The following CDK6 variants were observed in gnomAD, a reference collection of about 807,000 sequenced individuals.
CDK6 encodes the protein cyclin-dependent kinase 6.
CDK6 carries 6 observed loss-of-function variants against 37.1 expected under a neutral mutation model. That is an observed-to-expected ratio of 0.16 (90% CI 0.09 to 0.32). CDK6 has a LOEUF of 0.32. CDK6 is among the 10% of genes least tolerant of loss of function. CDK6 has a pLI of 1.00. For missense variants in CDK6, 224 were observed against 418.9 expected (o/e 0.53, Z 4.06); for synonymous variants, 160 against 161.3 (o/e 0.99, Z 0.06).
intron 5 of CDK6, among the ~76,000 whole-genome samples, chr7:92,658,754 G>A (rs896883750): frequency 5.3e-5 from 8 of 152,082 alleles, no homozygotes; most frequent in Admixed American, 2.6e-4. Context: ...TTACTTTTTC[G>A]TTTAAATTTT....
intron 6 of CDK6, among the ~76,000 whole-genome samples, chr7:92,622,448 T>C (rs1430026340): frequency 6.6e-6 from 1 of 152,196 alleles, no homozygotes; most frequent in Non-Finnish European, 1.5e-5. Context: ...TTAAAGTGCT[T>C]ACTATGTGCC....
intron 4 of CDK6, among the ~76,000 whole-genome samples, chr7:92,712,606 T>G (rs562540886): frequency 6.6e-6 from 1 of 152,180 alleles, no homozygotes; most frequent in African/African-American, 2.4e-5. Context: ...GAAATAAAGA[T>G]AGAACAATAA....
At chr7:92,797,801 T>G (rs924013042) in intron 2 of CDK6, among the ~76,000 whole-genome samples, 1 of 152,206 alleles carries the variant, frequency 6.6e-6, no homozygotes, top group African/African-American at 2.4e-5. Flanking sequence ...CTGAATTGTT[T>G]TGGTTATGAA....
chr7:92,833,483 G>A lies in CDK6; in HGVS notation c.-160C>T. 2 of 578,108 alleles carry A rather than the reference G, an allele frequency of 3.5e-6. No homozygotes were observed. The highest frequency in any genetic ancestry group is 3.1e-5 in the East Asian group (1 of 32,156). 35.8% of individuals were successfully genotyped at this position (578,108 alleles called of 1,614,324 possible). A position where few individuals can be genotyped will look rare whatever the true frequency, so the allele number is the denominator to read the frequency against. ...GCGCTCGGGCGCTGGGGCTTTCGCC[G>A]CTGCAGAAGCTGGATGGAGAGACCT... On this transcript the variant is annotated 5_prime_UTR_variant, in exon 2 of 8. Coordinates refer to ENST00000424848, the MANE Select transcript of CDK6 (RefSeq NM_001145306.2). This position sits in a 1 kb window ranked among gnomAD's most constrained non-coding sequence, Gnocchi z 6.1.
rs918941788 is a variant in CDK6 at position 92,728,599 on chromosome 7, G to T, written c.370-2806C>A. ...AGGTCTAGTTCTTGTTTGTTTAAAG[G>T]TAGAGTAGATTAAAAGGGCTTGTTA... On this transcript the variant is annotated intron_variant, in intron 3 of 7. Coordinates refer to ENST00000424848, the MANE Select transcript of CDK6 (RefSeq NM_001145306.2). Among the ~76,000 whole-genome samples the T allele has an allele frequency of 3.6e-4, 55 of 152,100 alleles. 1 individual carries two copies. Among genetic ancestry groups the T allele is most frequent in the African/African-American group, 1.3e-3 (55 of 41,420 alleles).
chr7:92,767,923 A>G (rs929125883), intron 3 of CDK6, among the ~76,000 whole-genome samples: 1 of 152,192 alleles, frequency 6.6e-6, no homozygotes, highest in Non-Finnish European at 1.5e-5. Flanking sequence ...GAATGTCTCT[A>G]AACACCATAG....
chr7:92,820,154 C>T (rs1801136928), intron 2 of CDK6, among the ~76,000 whole-genome samples: 2 of 151,986 alleles, frequency 1.3e-5, no homozygotes, highest in Non-Finnish European at 2.9e-5. Flanking sequence ...CAATTAGAAA[C>T]TCCAGGAAAA....
chr7:92,672,074 A>G lies in CDK6; in HGVS notation c.538-539T>C, dbSNP rs547799837. Among the ~76,000 whole-genome samples the G allele has an allele frequency of 1.1e-4, 16 of 147,852 alleles. No homozygotes were observed. In the East Asian group the frequency reaches 3.2e-3, roughly 30 times the overall value. On this transcript the variant is annotated intron_variant, in intron 4 of 7. Transcript: ENST00000424848. Reference sequence around the variant, plus strand: ...GGTGATGGGGGCACTAAAATCTCAGACTTCATCACTATACAATTCATCCAT... The same window carrying G: ...GGTGATGGGGGCACTAAAATCTCAGGCTTCATCACTATACAATTCATCCAT...
chr7:92,705,057 T>C (rs942292893), intron 4 of CDK6, among the ~76,000 whole-genome samples: 1 of 152,244 alleles, frequency 6.6e-6, no homozygotes, highest in East Asian at 1.9e-4. Flanking sequence ...TGGTGAGTTT[T>C]GTCCATTTAC....
At chr7:92,796,607 G>T (rs1391041737) in intron 2 of CDK6, among the ~76,000 whole-genome samples, 1 of 151,886 alleles carries the variant, frequency 6.6e-6, no homozygotes, top group African/African-American at 2.4e-5. Context: ...GTAAGAGTAG[G>T]ATATTTTCCC....
chr7:92,795,529 C>T (rs1800387446), intron 2 of CDK6, among the ~76,000 whole-genome samples: 1 of 151,994 alleles, frequency 6.6e-6, no homozygotes, highest in Non-Finnish European at 1.5e-5. Flanking sequence ...TGAGAAATTT[C>T]CAAGGAATCA....
chr7:92,816,320 C>T (rs780885256), intron 2 of CDK6, among the ~76,000 whole-genome samples: 4 of 151,850 alleles, frequency 2.6e-5, no homozygotes, highest in Non-Finnish European at 2.9e-5. Flanking sequence ...ATGCCCAAGG[C>T]CTTAAAGGAA....
intron 3 of CDK6, among the ~76,000 whole-genome samples, chr7:92,730,208 A>G (rs1798611386): frequency 6.6e-6 from 1 of 152,262 alleles, no homozygotes; most frequent in Non-Finnish European, 1.5e-5. Context: ...AGCACCAAAA[A>G]TGTATAATCC....
Position 92,833,552 on chromosome 7 carries a change from C to T in CDK6, c.-229G>A, listed in dbSNP as rs1801555004. The T allele has an allele frequency of 1.8e-6, 1 of 545,038 alleles. No homozygotes were observed. Among genetic ancestry groups the T allele is most frequent in the Non-Finnish European group, 3.2e-6 (1 of 315,088 alleles). 33.8% of individuals were successfully genotyped at this position (545,038 alleles called of 1,614,324 possible). On this transcript the variant is annotated 5_prime_UTR_variant, in exon 2 of 8. Transcript: ENST00000424848. The surrounding 1 kb of genome is among the most constrained non-coding windows in gnomAD (Gnocchi z 6.1). ...ACCCTGGTGCCGCCGCCGCGAAACT[C>T]CGCCTGCAGAGTCGCCGCCGCCGCC...
chr7:92,614,903 C>A lies in CDK6; in HGVS notation c.*237G>T, dbSNP rs1313220918. On this transcript the variant is annotated 3_prime_UTR_variant, in exon 8 of 8. Transcript: ENST00000424848. ...TCTTCTTCTGGAATTTTTCCAGGTT[C>A]TTGAAACAAACAGACAAACAAACAA... 2.3e-6 allele frequency: 1 copy of A among 435,182 alleles called. No homozygotes were observed. Among genetic ancestry groups the A allele is most frequent in the Non-Finnish European group, 4.1e-6 (1 of 244,452 alleles). 27.0% of individuals were successfully genotyped at this position (435,182 alleles called of 1,614,324 possible).
At chr7:92,700,457 GAGAA>G (rs1347126916) in intron 4 of CDK6, among the ~76,000 whole-genome samples, 1 of 152,204 alleles carries the variant, frequency 6.6e-6, no homozygotes, top group Admixed American at 6.5e-5. Context: ...TCAAATGAAG[GAGAA>G]AGAAAGATTA....
At chr7:92,664,703 G>A (rs1454550372) in intron 5 of CDK6, among the ~76,000 whole-genome samples, 1 of 152,106 alleles carries the variant, frequency 6.6e-6, no homozygotes, top group Non-Finnish European at 1.5e-5. Flanking sequence ...GATTGGCAGA[G>A]CTGGCAACTC....
intron 3 of CDK6, among the ~76,000 whole-genome samples, chr7:92,746,708 G>A (rs1306816927): frequency 6.6e-6 from 1 of 152,028 alleles, no homozygotes; most frequent in African/African-American, 2.4e-5. Flanking sequence ...GTTGGTGTAC[G>A]AGACTATCCA....
At chr7:92,770,377 C>G (rs935884313) in intron 3 of CDK6, among the ~76,000 whole-genome samples, 1 of 130,264 alleles carries the variant, frequency 7.7e-6, no homozygotes, top group Non-Finnish European at 1.6e-5. Context: ...TGGAAAGAAT[C>G]ACCTATGATT....
Sources: allele counts gnomAD v4.1 joint callset (sites outside exome capture counted in the v4.1 genomes callset), GRCh38; gene constraint gnomAD v4.1.1; non-coding constraint Gnocchi (gnomAD v3.1); transcripts MANE v1.5; gene names NCBI Gene and HGNC (gene_info 2026-07-23, HGNC 2026-07-21).